Variants in CFDP1 observed in about 807,000 individuals in gnomAD.
The protein encoded by CFDP1 is heterochromatin-stabilizing protein CFDP1.
In CFDP1, 31 loss-of-function variants were observed where a neutral mutation model predicts 40.1. That is an observed-to-expected ratio of 0.77 (90% CI 0.58 to 1.04). The LOEUF is 1.04. Ranked by LOEUF, CFDP1 falls within the 50% of genes least tolerant of loss-of-function variation. CFDP1 has a pLI of 0.00. For missense variants in CFDP1, 423 were observed against 343.4 expected, an observed-to-expected ratio of 1.23 and a Z score of -1.83; for synonymous variants, 167 against 120.0, an observed-to-expected ratio of 1.39 and a Z score of -2.56.
intron 5 of CFDP1, among the ~76,000 whole-genome samples, chr16:75,317,262 C>T (rs1056663560): frequency 6.6e-6 from 1 of 152,236 alleles, no homozygotes; most frequent in African/African-American, 2.4e-5. Flanking sequence ...GGAAATGATA[C>T]TTCTGAATTT....
At chr16:75,352,599 C>T (rs949887197) in intron 5 of CFDP1, among the ~76,000 whole-genome samples, 1 of 152,064 alleles carries the variant, frequency 6.6e-6, no homozygotes, top group African/African-American at 2.4e-5. Context: ...ATTACAGGGA[C>T]GTTTATGTCT....
chr16:75,394,575 C>T (rs531516330), intron 5 of CFDP1: 39 of 150,918 alleles, frequency 2.6e-4, no homozygotes, highest in African/African-American at 7.5e-4. Flanking sequence ...AAAATTTACA[C>T]GTTCAGCTTT....
At chr16:75,294,928 G>A (rs1054670981) in intron 6 of CFDP1, among the ~76,000 whole-genome samples, 3 of 152,206 alleles carry the variant, frequency 2.0e-5, no homozygotes, top group African/African-American at 7.2e-5. Context: ...TGCTTAATGA[G>A]ACACAGCTGC....
chr16:75,409,002 C>T (rs967864158), intron 4 of CFDP1, among the ~76,000 whole-genome samples: 17 of 151,834 alleles, frequency 1.1e-4, no homozygotes, highest in Admixed American at 9.8e-4. Flanking sequence ...GGATTACAGA[C>T]GTGCACCACC....
At chr16:75,426,414 T>C (rs2079343211) in intron 1 of CFDP1, among the ~76,000 whole-genome samples, 2 of 152,028 alleles carry the variant, frequency 1.3e-5, no homozygotes, top group Non-Finnish European at 2.9e-5. Flanking sequence ...TACACTATCT[T>C]TGTAATCCCG....
At chr16:75,314,739 G>T (rs1017396430) in intron 5 of CFDP1, among the ~76,000 whole-genome samples, 4 of 152,070 alleles carry the variant, frequency 2.6e-5, no homozygotes, top group Non-Finnish European at 4.4e-5. Flanking sequence ...GGAAATGAAG[G>T]ACAATATTTT....
At chr16:75,323,227 TAA>T in intron 5 of CFDP1, among the ~76,000 whole-genome samples, 1 of 143,606 alleles carries the variant, frequency 7.0e-6, no homozygotes. Context: ...TTTTTAACGT[TAA>T]AAAAAAAAAA....
intron 6 of CFDP1, among the ~76,000 whole-genome samples, chr16:75,303,041 AAT>A (rs2078231787): frequency 6.6e-6 from 1 of 152,114 alleles, no homozygotes; most frequent in Admixed American, 6.6e-5. Context: ...CTCTACTAAA[AAT>A]ACAAAAATTA....
chr16:75,341,904 G>A (rs945087903), intron 5 of CFDP1, among the ~76,000 whole-genome samples: 10 of 152,142 alleles, frequency 6.6e-5, no homozygotes, highest in African/African-American at 1.9e-4. Context: ...TAGGTCTTTC[G>A]ACTCTGTTCT....
At chr16:75,389,921 G>A (rs769504101) in intron 5 of CFDP1, among the ~76,000 whole-genome samples, 9 of 152,112 alleles carry the variant, frequency 5.9e-5, no homozygotes, top group Non-Finnish European at 1.3e-4. Flanking sequence ...ATAAAAATGA[G>A]CATACCAACC....
intron 5 of CFDP1, among the ~76,000 whole-genome samples, chr16:75,327,444 G>A (rs111265118): frequency 8.1e-4 from 123 of 151,182 alleles, no homozygotes; most frequent in African/African-American, 2.8e-3. Flanking sequence ...GGGATGTTAC[G>A]GGGAATGGGG....
chr16:75,304,548 T>C (rs1421069144), intron 6 of CFDP1, among the ~76,000 whole-genome samples: 1 of 152,172 alleles, frequency 6.6e-6, no homozygotes, highest in East Asian at 1.9e-4. Flanking sequence ...ACACAGGCTA[T>C]AGCCAAGGGT....
intron 5 of CFDP1, chr16:75,394,627 C>CAAATAAGA (rs1345560830): frequency 7.4e-6 from 1 of 135,820 alleles, no homozygotes; most frequent in Non-Finnish European, 1.6e-5. Flanking sequence ...AGGCTGGCAA[C>CAAATAAGA]AAATAAGAAA....
At chr16:75,333,498 G>T (rs1205284069) in intron 5 of CFDP1, among the ~76,000 whole-genome samples, 1 of 152,114 alleles carries the variant, frequency 6.6e-6, no homozygotes, top group South Asian at 2.1e-4. Context: ...AACAAAAAAG[G>T]AAAAAAGTAG....
intron 5 of CFDP1, among the ~76,000 whole-genome samples, chr16:75,345,274 T>G (rs1025837486): frequency 3.9e-5 from 6 of 151,990 alleles, no homozygotes; most frequent in Admixed American, 2.6e-4. Context: ...CTGGCCACCA[T>G]AGCAAAACCC....
intron 5 of CFDP1, among the ~76,000 whole-genome samples, chr16:75,388,465 A>C (rs2078919261): frequency 6.6e-6 from 1 of 152,238 alleles, no homozygotes; most frequent in South Asian, 2.1e-4. Flanking sequence ...AGTTGCCTAC[A>C]GGAACCATGC....
intron 5 of CFDP1, among the ~76,000 whole-genome samples, chr16:75,354,953 A>G (rs534009168): frequency 9.8e-5 from 15 of 152,368 alleles, no homozygotes; most frequent in African/African-American, 3.4e-4. Flanking sequence ...GTTCCAGACC[A>G]CAGCAATGAA....
intron 5 of CFDP1, among the ~76,000 whole-genome samples, chr16:75,366,118 T>A (rs1344443707): frequency 6.6e-6 from 1 of 152,084 alleles, no homozygotes; most frequent in Admixed American, 6.5e-5. Flanking sequence ...AGCCAAAAAG[T>A]AAAAACAACA....
intron 5 of CFDP1, among the ~76,000 whole-genome samples, chr16:75,362,637 C>T (rs1462378716): frequency 6.6e-6 from 1 of 152,190 alleles, no homozygotes; most frequent in African/African-American, 2.4e-5. Context: ...GAGAACACTA[C>T]TCTTTCCTCT....
Sources: gnomAD v4.1 joint callset for allele counts (sites outside exome capture counted in the v4.1 genomes callset) on GRCh38, gnomAD v4.1.1 for gene constraint, MANE v1.5 for transcripts, NCBI Gene and HGNC (gene_info 2026-07-23, HGNC 2026-07-21) for gene names.